TBL1XR1: variants seen among roughly 807,000 people sequenced by gnomAD.
TBL1XR1 encodes F-box-like/WD repeat-containing protein TBL1XR1.
Under a neutral mutation model 66.9 loss-of-function variants are expected in TBL1XR1, and 5 were observed. The observed-to-expected ratio is 0.07, with a 90% CI of 0.04 to 0.16. The LOEUF (loss-of-function observed/expected upper bound fraction) is 0.16. Among genes scored for constraint, TBL1XR1 ranks in the 10% least tolerant of loss-of-function variants. The pLI is 1.00. For missense variants in TBL1XR1, 238 were observed against 623.2 expected (o/e 0.38, Z 6.58); for synonymous variants, 210 against 206.0 (o/e 1.02, Z -0.17).
chr3:177,154,791 TA>T (rs1731301896), intron 1 of TBL1XR1, among the ~76,000 whole-genome samples: 1 of 152,174 alleles, frequency 6.6e-6, no homozygotes, highest in African/African-American at 2.4e-5. Context: ...ACAGAAGATC[TA>T]AACACTTGAC....
chr3:177,150,867 C>G (rs1186311077), intron 1 of TBL1XR1, among the ~76,000 whole-genome samples: 1 of 152,132 alleles, frequency 6.6e-6, no homozygotes, highest in Non-Finnish European at 1.5e-5. Flanking sequence ...TTTATTTTAC[C>G]TTCATTTAAA....
chr3:177,159,923 G>A (rs1731974171), intron 1 of TBL1XR1, among the ~76,000 whole-genome samples: 1 of 152,076 alleles, frequency 6.6e-6, no homozygotes, highest in South Asian at 2.1e-4. Context: ...TATATTAATA[G>A]GTCAAGGTCG....
intron 2 of TBL1XR1, among the ~76,000 whole-genome samples, chr3:177,085,029 C>A (rs1487600166): frequency 6.6e-6 from 1 of 152,174 alleles, no homozygotes; most frequent in East Asian, 1.9e-4. Context: ...CCAACTTTCA[C>A]CAGCTAGATT....
In TBL1XR1 at chr3:177,082,593, G is replaced by A. The variant is rs186630819; in HGVS notation, c.-46+15873C>T. Among the ~76,000 whole-genome samples, 514 of 150,988 alleles carry A rather than the reference G, an allele frequency of 3.4e-3. 2 individuals carry two copies. The Middle Eastern group carries it at 0.038, about 11-fold the overall frequency. ...GAACTGGTATTTGTAACAGTTATGC[G>A]TAACACTAGATGTTACAGCACTGAA... is the stretch of plus-strand genomic sequence containing the variant. On this transcript the variant is annotated intron_variant, in intron 2 of 15. Coordinates refer to ENST00000457928, the MANE Select transcript of TBL1XR1 (RefSeq NM_024665.7).
intron 1 of TBL1XR1, among the ~76,000 whole-genome samples, chr3:177,127,656 T>C (rs1404452238): frequency 2.0e-5 from 3 of 152,222 alleles, no homozygotes; most frequent in Non-Finnish European, 1.5e-5. Context: ...TGCAGTTCTA[T>C]TTAATCTTCA....
chr3:177,027,652 A>G (rs1713338575), intron 14 of TBL1XR1: 1 of 152,182 alleles, frequency 6.6e-6, no homozygotes, highest in African/African-American at 2.4e-5. Context: ...CACCTTGAAA[A>G]TACCTCCCAT....
chr3:177,199,807 A>G (rs1307150746), upstream of TBL1XR1, among the ~76,000 whole-genome samples: 1 of 152,184 alleles, frequency 6.6e-6, no homozygotes, highest in African/African-American at 2.4e-5. Flanking sequence ...ATAATAATCC[A>G]TGCATTTGTT....
rs1021789962 is a variant in TBL1XR1 at position 177,103,192 on chromosome 3, G to C, written c.-121-4651C>G. Among the ~76,000 whole-genome samples, 23 of 152,288 alleles carry C rather than the reference G, an allele frequency of 1.5e-4. No homozygotes were observed. In the East Asian group the frequency reaches 4.4e-3, roughly 29 times the overall value. ...CTTGAGAGAACCTGGTTATATACCA[G>C]TAACTTTAACACCACTTCCAGAAGG... On this transcript the variant is annotated intron_variant, in intron 1 of 15. Transcript: ENST00000457928.
At chr3:177,146,077 G>A (rs1350980838) in intron 1 of TBL1XR1, among the ~76,000 whole-genome samples, 1 of 152,194 alleles carries the variant, frequency 6.6e-6, no homozygotes, top group African/African-American at 2.4e-5. Flanking sequence ...GAGGATGACT[G>A]TGTTTTAATC....
chr3:177,110,805 T>G (rs1242164915), intron 1 of TBL1XR1: 2 of 152,170 alleles, frequency 1.3e-5, no homozygotes, highest in African/African-American at 2.4e-5. Flanking sequence ...AACAAAAATC[T>G]TACCTCCTCT....
rs1246531044 is a variant in TBL1XR1, at chr3:177,130,155, AAAAG to A, written c.-121-31618_-121-31615del. On this transcript the variant is annotated intron_variant, in intron 1 of 15. Transcript: ENST00000457928. ...CTGAGACTCCATCTCAAAAAAAAAAAAAAGAAAGAAAGAAAAAGAATAAATAAAT... is the reference window on the plus strand; with the variant it reads ...CTGAGACTCCATCTCAAAAAAAAAAAAAAGAAAGAAAAAGAATAAATAAAT... Among the ~76,000 whole-genome samples, 569 of 151,070 alleles carry A rather than the reference AAAAG, an allele frequency of 3.8e-3. 19 individuals carry two copies. The highest frequency in any genetic ancestry group is 0.013 in the African/African-American group (548 of 41,238).
chr3:177,079,822 C>T (rs918763208), intron 2 of TBL1XR1: 1 of 149,480 alleles, frequency 6.7e-6, no homozygotes, highest in African/African-American at 2.5e-5. Context: ...AAAAAAAAAG[C>T]TCACCCTGTA....
At chr3:177,135,318 T>TGTGTGTGTGTGG in intron 1 of TBL1XR1, among the ~76,000 whole-genome samples, 1 of 94,388 alleles carries the variant, frequency 1.1e-5, no homozygotes, top group Non-Finnish European at 2.1e-5. Context: ...TGTGTGTGTG[T>TGTGTGTGTGTGG]GTGTGTGTGT....
intron 1 of TBL1XR1, among the ~76,000 whole-genome samples, chr3:177,144,405 C>A (rs949626065): frequency 1.3e-5 from 2 of 152,120 alleles, no homozygotes; most frequent in South Asian, 2.1e-4. Context: ...AGTAATTCTT[C>A]CAAGGCCAAA....
In TBL1XR1 at chr3:177,110,714, G is replaced by C. The variant is rs1169580429; in HGVS notation, c.-121-12173C>G. 2.0e-5 allele frequency: 3 copies of C among 152,148 alleles called. No individual in the cohort carries two copies. The East Asian group carries it at 5.8e-4, about 29-fold the overall frequency. The allele number at this position is 152,148 out of a possible 1,614,324, so 9.4% of individuals were successfully genotyped here. A position where few individuals can be genotyped will look rare whatever the true frequency, so the allele number is the denominator to read the frequency against. On this transcript the variant is annotated intron_variant, in intron 1 of 15. Transcript: ENST00000457928. Reference sequence around the variant, plus strand: ...AAAACACAATTCTAGATATGAATAAGAATTAAATGAGATGAGAGGAAGGAG... The same window carrying C: ...AAAACACAATTCTAGATATGAATAACAATTAAATGAGATGAGAGGAAGGAG...
upstream of TBL1XR1, among the ~76,000 whole-genome samples, chr3:177,201,306 G>T (rs920691309): frequency 3.3e-5 from 5 of 151,128 alleles, no homozygotes; most frequent in Non-Finnish European, 4.4e-5. Context: ...AGCTACTCAG[G>T]AGGCTGAGGC....
chr3:177,141,848 T>C (rs1180162839), intron 1 of TBL1XR1, among the ~76,000 whole-genome samples: 1 of 152,166 alleles, frequency 6.6e-6, no homozygotes, highest in East Asian at 1.9e-4. Flanking sequence ...GGTCTATATA[T>C]ACAGTGAAAC....
chr3:177,169,490 A>G (rs148347076), intron 1 of TBL1XR1, among the ~76,000 whole-genome samples: 216 of 152,358 alleles, frequency 1.4e-3, no homozygotes, highest in African/African-American at 5.1e-3. Flanking sequence ...TACATGGAAT[A>G]AGAAACTATT....
At chr3:177,117,092 G>T (rs1211314486) in intron 1 of TBL1XR1, among the ~76,000 whole-genome samples, 1 of 152,170 alleles carries the variant, frequency 6.6e-6, no homozygotes, top group Non-Finnish European at 1.5e-5. Context: ...ATATAAATGA[G>T]AAGGGAGAAA....
Sources: allele counts gnomAD v4.1 joint callset (sites outside exome capture counted in the v4.1 genomes callset), GRCh38; gene constraint gnomAD v4.1.1; transcripts MANE v1.5; gene names NCBI Gene and HGNC (gene_info 2026-07-23, HGNC 2026-07-21).